PROM1: variants seen among roughly 807,000 people sequenced by gnomAD.
PROM1 encodes prominin 1.
In PROM1, 105 loss-of-function variants were observed where a neutral mutation model predicts 116.9. The observed-to-expected ratio is 0.90, with a 90% CI of 0.77 to 1.06. The LOEUF (loss-of-function observed/expected upper bound fraction) is 1.06, where lower values mean the gene tolerates loss of function less well. Ranked by LOEUF, PROM1 falls within the 50% of genes least tolerant of loss-of-function variation. The pLI, the probability that PROM1 is intolerant of heterozygous loss-of-function variation, is 0.00. For missense variants in PROM1, 1,122 were observed against 1,045.2 expected, an observed-to-expected ratio of 1.07 and a Z score of -1.01; for synonymous variants, 393 against 387.0, an observed-to-expected ratio of 1.02 and a Z score of -0.18.
rs776022469 is a variant in PROM1, at chr4:16,013,311, C to T, written c.1105G>A (p.Asp369Asn). The T allele has an allele frequency of 1.1e-5, 17 of 1,608,032 alleles. No homozygotes were observed. The highest frequency in any genetic ancestry group is 1.4e-5 in the Non-Finnish European group (17 of 1,174,514). ...GTCGTGGTTTGGCGTTGTACTCTGT[C>T]AGGTATATCATTAAGGGATTGATAG... ...QGYQSLNDIPDRVQRQTTTVV... is the reference protein window; with the variant it reads ...QGYQSLNDIPNRVQRQTTTVV... The change falls in exon 11 of 28, where the codon GAC (aspartate) becomes AAC (asparagine). Residue 369 changes from aspartate to asparagine, a missense_variant. Physicochemically the swap from Asp to Asn is conservative, Grantham distance 23. Coordinates refer to ENST00000447510, the MANE Select transcript of PROM1 (RefSeq NM_006017.3).
At chr4:16,080,069 G>C (rs1337619103) in intron 1 of PROM1, 1 of 145,054 alleles carries the variant, frequency 6.9e-6, no homozygotes, top group Non-Finnish European at 1.5e-5. Context: ...GTGCACAACT[G>C]TAGTCCCAGC....
At chr4:16,034,770 G>C (rs1733594564) in intron 4 of PROM1, among the ~76,000 whole-genome samples, 1 of 152,206 alleles carries the variant, frequency 6.6e-6, no homozygotes, top group Non-Finnish European at 1.5e-5. Flanking sequence ...TAAAACACGA[G>C]TCTTGTTCCT....
intron 2 of PROM1, among the ~76,000 whole-genome samples, chr4:16,040,709 G>A (rs1195625287): frequency 6.6e-6 from 1 of 152,210 alleles, no homozygotes; most frequent in Non-Finnish European, 1.5e-5. Flanking sequence ...CACTTAGGGT[G>A]AAGTGAGAAA....
intron 23 of PROM1, among the ~76,000 whole-genome samples, chr4:15,980,768 ATTATGT>A (rs912649689): frequency 6.6e-6 from 1 of 152,124 alleles, no homozygotes; most frequent in Admixed American, 6.5e-5. Context: ...AGATCCTATT[ATTATGT>A]TTATTTTACA....
rs753755804 is a variant in PROM1, at chr4:15,986,466, G to A, written c.2131-429C>T. On this transcript the variant is annotated intron_variant, in intron 20 of 27. Transcript: ENST00000447510. ...TTTGCACTACAACACAAGCAAAGACGAGTCCTCTGCCAACCCACATGGCAG... is the reference window on the plus strand; with the variant it reads ...TTTGCACTACAACACAAGCAAAGACAAGTCCTCTGCCAACCCACATGGCAG... Among the ~76,000 whole-genome samples, 82 of 151,788 alleles carry A rather than the reference G, an allele frequency of 5.4e-4. 1 individual carries two copies. Among genetic ancestry groups the A allele is most frequent in the Admixed American group, 1.8e-3 (28 of 15,250 alleles).
intron 2 of PROM1, among the ~76,000 whole-genome samples, chr4:16,054,756 C>T (rs1284563518): frequency 6.6e-6 from 1 of 152,106 alleles, no homozygotes; most frequent in African/African-American, 2.4e-5. Flanking sequence ...GATCCCCGAC[C>T]TCCCAAAGCA....
chr4:16,063,344 TC>T (rs1740785380), intron 2 of PROM1, among the ~76,000 whole-genome samples: 1 of 152,072 alleles, frequency 6.6e-6, no homozygotes, highest in Admixed American at 6.6e-5. Context: ...ACGACTGTAA[TC>T]CCCCACTCTG....
chr4:15,982,835 G>A (rs369626366), intron 23 of PROM1, among the ~76,000 whole-genome samples: 1 of 152,168 alleles, frequency 6.6e-6, no homozygotes, highest in African/African-American at 2.4e-5. Context: ...CAGGAAGCAG[G>A]GCCTAGGGTC....
chr4:16,036,420 T>C (rs141951065), intron 3 of PROM1, among the ~76,000 whole-genome samples: 5 of 152,314 alleles, frequency 3.3e-5, no homozygotes, highest in African/African-American at 1.2e-4. Flanking sequence ...CACTTTTAAA[T>C]GAGGCATCCA....
At chr4:16,061,985 G>C (rs1360524807) in intron 2 of PROM1, among the ~76,000 whole-genome samples, 1 of 150,532 alleles carries the variant, frequency 6.6e-6, no homozygotes, top group African/African-American at 2.5e-5. Context: ...TCCGCCTCCC[G>C]GGTTCACACC....
At chr4:16,031,071 T>C (rs28439648) in intron 5 of PROM1, among the ~76,000 whole-genome samples, 2,504 of 152,190 alleles carry the variant, frequency 0.016, 78 homozygotes, top group African/African-American at 0.057. Flanking sequence ...CCCAATATAT[T>C]GGAAACCGAT....
chr4:15,981,161 C>T (rs1717814825), intron 23 of PROM1, among the ~76,000 whole-genome samples: 1 of 150,552 alleles, frequency 6.6e-6, no homozygotes, highest in South Asian at 2.1e-4. Flanking sequence ...CGGGGTTTCA[C>T]CGGGTTAGCC....
chr4:16,057,580 T>C (rs1023347037), intron 2 of PROM1, among the ~76,000 whole-genome samples: 1 of 152,210 alleles, frequency 6.6e-6, no homozygotes, highest in Non-Finnish European at 1.5e-5. Flanking sequence ...CCATTTTCTG[T>C]AAACTAATCA....
At chr4:16,025,405 A>G in intron 5 of PROM1, 93 bp from the exon 6 acceptor site, 1 of 1,474,874 alleles carries the variant, frequency 6.8e-7, no homozygotes, top group Non-Finnish European at 9.3e-7. Flanking sequence ...GTCAGGGAGG[A>G]GCCCGCAGAA....
At chr4:16,062,973 T>C (rs765289343) in intron 2 of PROM1, among the ~76,000 whole-genome samples, 1 of 152,156 alleles carries the variant, frequency 6.6e-6, no homozygotes, top group East Asian at 1.9e-4. Context: ...TTTGAAAGAA[T>C]TGGGCCCATT....
chr4:16,077,888 C>G (rs1044536406), intron 1 of PROM1, among the ~76,000 whole-genome samples: 2 of 152,198 alleles, frequency 1.3e-5, no homozygotes, highest in African/African-American at 2.4e-5. Context: ...TCAAACATCC[C>G]CCTCTCCACC....
chr4:16,014,605 T>G (rs554613364), intron 10 of PROM1, among the ~76,000 whole-genome samples: 2 of 152,334 alleles, frequency 1.3e-5, no homozygotes, highest in South Asian at 4.1e-4. Context: ...AATCAGAACC[T>G]GATGATGACA....
In PROM1 at chr4:15,986,001, C is replaced by A. The variant is rs755083222; in HGVS notation, c.2167G>T (p.Ala723Ser). Residue 723 changes from alanine to serine, a missense_variant, in exon 21 of 28, where the codon GCT becomes TCT. Physicochemically the swap from Ala to Ser is moderately conservative, Grantham distance 99 (BLOSUM62 1). Transcript: ENST00000447510. ...GTATTGTTTGTGATGAAGTTCTGAG[C>A]AAAATCCAGAGAAGCTAGAATCCTA... is the stretch of plus-strand genomic sequence containing the variant. ...VTRILASLDF[A>S]QNFITNNTSS... The A allele has an allele frequency of 3.8e-6, 6 of 1,583,944 alleles. No homozygotes were observed. The highest frequency in any genetic ancestry group is 5.2e-6 in the Non-Finnish European group (6 of 1,160,270).
At chr4:16,006,265 T>C (rs1368790274) in intron 13 of PROM1, among the ~76,000 whole-genome samples, 2 of 152,240 alleles carry the variant, frequency 1.3e-5, no homozygotes, top group African/African-American at 4.8e-5. Context: ...GAGCCTGCCA[T>C]ATATAAATAG....
Sources: gnomAD v4.1 joint callset for allele counts (sites outside exome capture counted in the v4.1 genomes callset) on GRCh38, gnomAD v4.1.1 for gene constraint, MANE v1.5 for transcripts, NCBI Gene and HGNC (gene_info 2026-07-23, HGNC 2026-07-21) for gene names.